The following ARL13B variants were observed in gnomAD, a reference collection of about 807,000 sequenced individuals.
ARL13B encodes ARF like GTPase 13B, also known as ADP-ribosylation factor-like protein 13B.
In ARL13B, 36 loss-of-function variants were observed where a neutral mutation model predicts 56.1. The ratio of observed to expected loss-of-function variants is 0.64; its 90% CI spans 0.49 to 0.85. The LOEUF is 0.85. ARL13B is among the 40% of genes least tolerant of loss of function. ARL13B has a pLI of 0.00. For missense variants in ARL13B, 519 were observed against 507.1 expected (o/e 1.02, Z -0.23); for synonymous variants, 178 against 171.1 (o/e 1.04, Z -0.32).
In ARL13B at chr3:94,042,867, G is replaced by A. The variant is rs528025507; in HGVS notation, c.799-148G>A. ...TGTTTGACATTTAGCATCTTTTAAT[G>A]ATGTATTCATGAAATCATTTTTAAA... On this transcript the variant is annotated intron_variant, in intron 6 of 9. Transcript: ENST00000394222. 397 of 647,884 alleles carry A rather than the reference G, an allele frequency of 6.1e-4. 1 individual carries two copies. The highest frequency in any genetic ancestry group is 1.2e-3 in the Admixed American group (40 of 32,410). The allele number at this position is 647,884 out of a possible 1,614,324, so 40.1% of individuals were successfully genotyped here.
intron 3 of ARL13B, chr3:94,014,924 C>G: frequency 6.2e-7 from 1 of 1,613,422 alleles, no homozygotes; most frequent in South Asian, 1.1e-5. Flanking sequence ...GACTTTTTAA[C>G]TTCTTTAACT....
At chr3:94,007,109 A>G (rs1451859261) in intron 3 of ARL13B, among the ~76,000 whole-genome samples, 1 of 152,150 alleles carries the variant, frequency 6.6e-6, no homozygotes, top group East Asian at 1.9e-4. Context: ...AGTTGAGGTA[A>G]CGCACAGTGC....
At chr3:93,980,726 AGTGTGTGTGTGTGTGTGTGTGTGT>A (rs35756044) in intron 1 of ARL13B, among the ~76,000 whole-genome samples, 1 of 146,984 alleles carries the variant, frequency 6.8e-6, no homozygotes, top group African/African-American at 2.5e-5. Flanking sequence ...TTTGTTAAAA[AGTGTGTGTGTGTGTGTGTGTGTGT>A]GTGTGTGTGT....
Position 94,054,501 on chromosome 3 carries a change from G to A in ARL13B, c.*1238G>A. ...TTGAAAACAAACCTTTATATCCAAT[G>A]AAAATAGTATAAACAGAATGATTTT... On this transcript the variant is annotated 3_prime_UTR_variant, in exon 10 of 10. Coordinates refer to ENST00000394222, the MANE Select transcript of ARL13B (RefSeq NM_001174150.2). 1 of 369,138 alleles carries A rather than the reference G, an allele frequency of 2.7e-6. No individual in the cohort carries two copies. The highest frequency in any genetic ancestry group is 5.2e-6 in the Non-Finnish European group (1 of 192,034). 22.9% of individuals were successfully genotyped at this position (369,138 alleles called of 1,614,324 possible). A position where few individuals can be genotyped will look rare whatever the true frequency, so the allele number is the denominator to read the frequency against.
At chr3:94,015,018 CCTT>C (rs1559985576) in intron 3 of ARL13B, 3 of 1,613,992 alleles carry the variant, frequency 1.9e-6, no homozygotes. Context: ...GTAGACTAAA[CCTT>C]CTCATTGAAG....
chr3:93,997,077 C>G (rs557848519), intron 2 of ARL13B, among the ~76,000 whole-genome samples: 4 of 151,982 alleles, frequency 2.6e-5, no homozygotes, highest in African/African-American at 9.7e-5. Context: ...ATCACCCCCC[C>G]AGATGGGACC....
chr3:94,031,546 C>T (rs1338101978), intron 3 of ARL13B, among the ~76,000 whole-genome samples: 1 of 152,102 alleles, frequency 6.6e-6, no homozygotes, highest in Admixed American at 6.5e-5. Context: ...GAAGGGGACT[C>T]CTGCTGCCTC....
intron 1 of ARL13B, among the ~76,000 whole-genome samples, chr3:93,988,238 GAAA>G (rs370248759): frequency 1.7e-5 from 2 of 119,872 alleles, no homozygotes; most frequent in East Asian, 4.7e-4. Context: ...ACAATTCTGT[GAAA>G]AAAAAAAAAA....
rs1484719453 is a variant in ARL13B at position 94,053,251 on chromosome 3, T to G, written c.1275T>G (p.Asp425Glu). The change falls in exon 10 of 10, where the codon GAT becomes GAG. Residue 425 changes from aspartate (D) to glutamate (E), a missense_variant. Asp to Glu is a conservative substitution (Grantham distance 45). Coordinates refer to ENST00000394222, the MANE Select transcript of ARL13B (RefSeq NM_001174150.2). The stretch of plus-strand genomic sequence containing the variant: ...AGCGACCTAACAGTGATGCTCATGA[T>G]GTGATCTCATAAACAAGACGTATGG... ...VPQRPNSDAH[D>E]VIS The G allele has an allele frequency of 6.2e-7, 1 of 1,613,392 alleles. No individual in the cohort carries two copies. The highest frequency in any genetic ancestry group is 2.2e-5 in the East Asian group (1 of 44,848).
At chr3:94,033,382 AT>A (rs112776835) in intron 3 of ARL13B, among the ~76,000 whole-genome samples, 3,111 of 148,138 alleles carry the variant, frequency 0.021, 32 homozygotes, top group Non-Finnish European at 0.023. Context: ...AATTTATAGG[AT>A]TTTTTTTTTT....
intron 3 of ARL13B, among the ~76,000 whole-genome samples, chr3:94,021,176 A>ATAT (rs2076439914): frequency 6.8e-6 from 1 of 146,556 alleles, no homozygotes; most frequent in Non-Finnish European, 1.5e-5. Flanking sequence ...TTCGTGTTTA[A>ATAT]TATTATTATA....
intron 3 of ARL13B, among the ~76,000 whole-genome samples, chr3:94,030,481 A>C (rs1296437444): frequency 6.7e-6 from 1 of 149,376 alleles, no homozygotes; most frequent in African/African-American, 2.5e-5. Flanking sequence ...ATCCACCCAC[A>C]TTGGCCTCCC....
chr3:93,984,436 C>T (rs1255517431), intron 1 of ARL13B, among the ~76,000 whole-genome samples: 1 of 151,986 alleles, frequency 6.6e-6, no homozygotes, highest in Admixed American at 6.5e-5. Context: ...AAGTCTCCAT[C>T]CTCATCTTCT....
chr3:94,036,422 A>G, intron 4 of ARL13B, 130 bp from the exon 5 acceptor site: 6 of 896,226 alleles, frequency 6.7e-6, no homozygotes, highest in East Asian at 2.6e-5. Context: ...TGGAAGTTAA[A>G]TAAGCAGATG....
At position 94,049,321 on chromosome 3, in the gene ARL13B, AGTATTCTTGTT is replaced by A. The variant is rs548835437; in HGVS notation, c.1025-76_1025-66del. 7.2e-3 allele frequency: 5,327 copies of A among 744,424 alleles called. 97 individuals are homozygous for A. Among genetic ancestry groups the A allele is most frequent in the Non-Finnish European group, 4.5e-3 (1,999 of 442,504 alleles). The allele number at this position is 744,424 out of a possible 1,614,324, so 46.1% of individuals were successfully genotyped here. On this transcript the variant is annotated intron_variant, in intron 7 of 9. Transcript: ENST00000394222. ...CAAGATGTTTTTTGTTAATAATATC[AGTATTCTTGTT>A]GTATTCTTTGTTTTCTATTATAAAA... is the stretch of plus-strand genomic sequence containing the variant.
At chr3:94,047,499 A>G (rs528002742) in intron 7 of ARL13B, among the ~76,000 whole-genome samples, 8 of 152,344 alleles carry the variant, frequency 5.3e-5, no homozygotes, top group Admixed American at 1.3e-4. Flanking sequence ...TAACTATAAT[A>G]ATAACTAACA....
intron 6 of ARL13B, among the ~76,000 whole-genome samples, chr3:94,041,925 C>T (rs544394735): frequency 1.3e-5 from 2 of 152,046 alleles, no homozygotes; most frequent in Non-Finnish European, 2.9e-5. Context: ...CCAGGCGTGG[C>T]ACGAACCTAT....
At chr3:93,982,924 A>C (rs1233538501) in intron 1 of ARL13B, among the ~76,000 whole-genome samples, 1 of 152,106 alleles carries the variant, frequency 6.6e-6, no homozygotes, top group African/African-American at 2.4e-5. Flanking sequence ...TAAAAACAAA[A>C]TTTTGTGCTT....
Position 94,043,173 on chromosome 3 carries a change from T to C in ARL13B, c.957T>C (p.Asn319=). ...QKNNEFGLVE[N]YKEALTQQLK... ...ATAATGAATTTGGACTAGTAGAAAA[T>C]TATAAGGAGGCATTAACACAGCAGT... Residue 319 remains asparagine, a synonymous_variant, in exon 7 of 10, where the codon AAT becomes AAC. Coordinates refer to ENST00000394222, the MANE Select transcript of ARL13B (RefSeq NM_001174150.2). The C allele has an allele frequency of 6.2e-7, 1 of 1,613,410 alleles. No individual in the cohort carries two copies. Among genetic ancestry groups the C allele is most frequent in the Non-Finnish European group, 8.5e-7 (1 of 1,179,834 alleles).
Sources: allele counts gnomAD v4.1 joint callset (sites outside exome capture counted in the v4.1 genomes callset), GRCh38; gene constraint gnomAD v4.1.1; transcripts MANE v1.5; gene names NCBI Gene and HGNC (gene_info 2026-07-23, HGNC 2026-07-21).